The following ZXDB variants were observed in gnomAD, a reference collection of about 807,000 sequenced individuals.
ZXDB encodes the protein zinc finger X-linked protein ZXDB.
For missense variants in ZXDB, 413 were observed against 679.1 expected (o/e 0.61, Z 4.36); for synonymous variants, 273 against 314.3 (o/e 0.87, Z 1.39).
Position 57,594,485 on chromosome X carries a change from T to C in ZXDB, c.*25T>C, listed in dbSNP as rs1401997299. 8.5e-7 allele frequency: 1 copy of C among 1,173,103 alleles called. No homozygotes were observed. The highest frequency in any genetic ancestry group is 1.1e-6 in the Non-Finnish European group (1 of 877,463). ...AACCAACTCTATTCATTCCTCATCA[T>C]GTGGCTTACTTTTATTACAGTCAAT... On this transcript the variant is annotated 3_prime_UTR_variant, in exon 1 of 1. Coordinates refer to ENST00000374888, the MANE Select transcript of ZXDB (RefSeq NM_007157.4).
chrX:57,592,032 G>A lies in ZXDB; in HGVS notation c.-17G>A. 2 of 1,024,612 alleles carry A rather than the reference G, an allele frequency of 2.0e-6. No homozygotes were observed. The highest frequency in any genetic ancestry group is 2.5e-6 in the Non-Finnish European group (2 of 804,701). The allele number at this position is 1,024,612 out of a possible 1,213,427, so 84.4% of individuals were successfully genotyped here. ...CCTCCTCGGCTCTGGTTCCAGCCGA[G>A]CCTCTCGGACGCAGAGATGGAAATC... On this transcript the variant is annotated 5_prime_UTR_variant, in exon 1 of 1. Transcript: ENST00000374888.
rs1013901000 is a variant in ZXDB at position 57,594,774 on chromosome X, TGAG to T, written c.*317_*319del. ...AATACATTTCTTTCCTTGAAAAATATGAGGACGTTTTTCAGTGATGTGGCATGC... is the reference window on the plus strand; with the variant it reads ...AATACATTTCTTTCCTTGAAAAATATGACGTTTTTCAGTGATGTGGCATGC... On this transcript the variant is annotated 3_prime_UTR_variant, in exon 1 of 1. Transcript: ENST00000374888. 2 of 209,435 alleles carry T rather than the reference TGAG, an allele frequency of 9.5e-6. No individual in the cohort carries two copies. The highest frequency in any genetic ancestry group is 3.0e-5 in the African/African-American group (1 of 33,461). The allele number at this position is 209,435 out of a possible 1,213,427, so 17.3% of individuals were successfully genotyped here.
chrX:57,592,998 C>G lies in ZXDB; in HGVS notation c.950C>G (p.Thr317Ser). 3 of 1,211,141 alleles carry G rather than the reference C, an allele frequency of 2.5e-6. No individual in the cohort carries two copies. Among genetic ancestry groups the G allele is most frequent in the Non-Finnish European group, 2.2e-6 (2 of 895,062 alleles). Residue 317 changes from threonine (T) to serine (S), a missense_variant, in exon 1 of 1, where the codon ACC (threonine) becomes AGC (serine). Coordinates refer to ENST00000374888, the MANE Select transcript of ZXDB (RefSeq NM_007157.4). ...GGTGGCTGCGGCTGGACCTTCACCA[C>G]CTCTTACAAGCTCAAGAGGCACCTG... Reference protein sequence around the residue: ...PLGGCGWTFTTSYKLKRHLQS... With the variant: ...PLGGCGWTFTSSYKLKRHLQS...
chrX:57,596,550 G>C lies in ZXDB; in HGVS notation c.*2090G>C, dbSNP rs1363962295. 2 of 123,277 alleles carry C rather than the reference G, an allele frequency of 1.6e-5. No homozygotes were observed. The highest frequency in any genetic ancestry group is 1.9e-4 in the Admixed American group (2 of 10,592). 10.2% of individuals were successfully genotyped at this position (123,277 alleles called of 1,213,427 possible). A position where few individuals can be genotyped will look rare whatever the true frequency, so the allele number is the denominator to read the frequency against. On this transcript the variant is annotated 3_prime_UTR_variant, in exon 1 of 1. Transcript: ENST00000374888. ...ATTTAGCCAACTCCCATTCCAACTA[G>C]GCTTTGGCTAAATCTGACAATTTTA...
Position 57,593,866 on chromosome X carries a change from G to T in ZXDB, c.1818G>T (p.Glu606Asp). The change falls in exon 1 of 1, where the codon GAG (glutamate) becomes GAT (aspartate). Residue 606 changes from glutamate to aspartate, a missense_variant. By Grantham distance (45) the Glu-to-Asp change is conservative. Coordinates refer to ENST00000374888, the MANE Select transcript of ZXDB (RefSeq NM_007157.4). ...GACAGAATGATCTCAGTGATGCAGA[G>T]ATAGTGTCTCTCTTCTCTGATGTAC... The part of the protein sequence containing the change: ...SQRQNDLSDA[E>D]IVSLFSDVPD... 8.3e-7 allele frequency: 1 copy of T among 1,207,671 alleles called. No individual in the cohort carries two copies. The highest frequency in any genetic ancestry group is 1.1e-6 in the Non-Finnish European group (1 of 893,859).
In ZXDB at chrX:57,592,457, G is replaced by T; in HGVS notation, c.409G>T (p.Ala137Ser). ...LQGGESGANPAGPTALGPRCL... is the reference protein window; with the variant it reads ...LQGGESGANPSGPTALGPRCL... ...GGGGGGCGAGAGCGGCGCGAATCCC[G>T]CGGGGCCCACTGCGCTAGGCCCCCG... Residue 137 changes from alanine (A) to serine (S), a missense_variant, in exon 1 of 1, where the codon GCG becomes TCG. Ala to Ser is a moderately conservative substitution (Grantham distance 99). Coordinates refer to ENST00000374888, the MANE Select transcript of ZXDB (RefSeq NM_007157.4). 8.6e-7 allele frequency: 1 copy of T among 1,166,457 alleles called. No homozygotes were observed. Among genetic ancestry groups the T allele is most frequent in the Non-Finnish European group, 1.1e-6 (1 of 876,100 alleles).
At position 57,593,173 on chromosome X, in the gene ZXDB, G is replaced by C. The variant is rs1263040583; in HGVS notation, c.1125G>C (p.Thr375=). The C allele has an allele frequency of 1.7e-6, 2 of 1,210,066 alleles. No homozygotes were observed. The highest frequency in any genetic ancestry group is 2.2e-5 in the Admixed American group (1 of 45,844). ...KCEVCEESFP[T]QAKLSAHQRS... ...AGGTGTGCGAGGAGAGCTTCCCCAC[G>C]CAGGCCAAACTCAGCGCCCACCAGC... The change falls in exon 1 of 1, where the codon ACG becomes ACC. Residue 375 remains threonine (T), a synonymous_variant. Transcript: ENST00000374888.
In ZXDB at chrX:57,593,620, G is replaced by C. The variant is rs1284776895; in HGVS notation, c.1572G>C (p.Arg524Ser). 8.3e-7 allele frequency: 1 copy of C among 1,208,008 alleles called. No homozygotes were observed. The highest frequency in any genetic ancestry group is 1.1e-6 in the Non-Finnish European group (1 of 894,596). ...GTCCTGTGGCAGGCTGCTGTGCCAG[G>C]TTCTCTGCTCGCAGTAGCCTCTACA... ...FVCPVAGCCA[R>S]FSARSSLYIH... Residue 524 changes from arginine (R) to serine (S), a missense_variant, in exon 1 of 1, where the codon AGG (arginine) becomes AGC (serine). Physicochemically the swap from Arg to Ser is moderately radical, Grantham distance 110. Coordinates refer to ENST00000374888, the MANE Select transcript of ZXDB (RefSeq NM_007157.4).
In ZXDB at chrX:57,594,423, A is replaced by C. The variant is rs972225961; in HGVS notation, c.2375A>C (p.Asp792Ala). Residue 792 changes from aspartate (D) to alanine (A), a missense_variant, in exon 1 of 1, where the codon GAT becomes GCT. Transcript: ENST00000374888. ...AACCATGGTTCTCAGAAAGAAACAG[A>C]TCTTATCACTGTGACTGGCAGCTCA... is the stretch of plus-strand genomic sequence containing the variant. ...AGNHGSQKETDLITVTGSSFL... is the reference protein window; with the variant it reads ...AGNHGSQKETALITVTGSSFL... The C allele has an allele frequency of 2.5e-6, 3 of 1,208,469 alleles. No homozygotes were observed. The highest frequency in any genetic ancestry group is 3.4e-6 in the Non-Finnish European group (3 of 894,467).
In ZXDB at chrX:57,594,501, T is replaced by G; in HGVS notation, c.*41T>G. 4 of 1,157,047 alleles carry G rather than the reference T, an allele frequency of 3.5e-6. No homozygotes were observed. Among genetic ancestry groups the G allele is most frequent in the Non-Finnish European group, 4.6e-6 (4 of 868,447 alleles). Reference sequence around the variant, plus strand: ...TCCTCATCATGTGGCTTACTTTTATTACAGTCAATTTTGAGGATATTCTGG... The same window carrying G: ...TCCTCATCATGTGGCTTACTTTTATGACAGTCAATTTTGAGGATATTCTGG... On this transcript the variant is annotated 3_prime_UTR_variant, in exon 1 of 1. Transcript: ENST00000374888.
chrX:57,592,819 C>T lies in ZXDB; in HGVS notation c.771C>T (p.Gly257=). The T allele has an allele frequency of 1.7e-6, 2 of 1,147,576 alleles. No individual in the cohort carries two copies. The highest frequency in any genetic ancestry group is 3.3e-4 in the Middle Eastern group (1 of 2,994). The allele number at this position is 1,147,576 out of a possible 1,213,427, so 94.6% of individuals were successfully genotyped here. A position where few individuals can be genotyped will look rare whatever the true frequency, so the allele number is the denominator to read the frequency against. Reference sequence around the variant, plus strand: ...CGGAGGGCCCGGCCGCCGCCCTGGGCCCCCGCGGACCGCTGGGCTCCGGCC... The same window carrying T: ...CGGAGGGCCCGGCCGCCGCCCTGGGTCCCCGCGGACCGCTGGGCTCCGGCC... The part of the protein sequence containing the change: ...EEAEGPAAAL[G]PRGPLGSGPG... The change falls in exon 1 of 1, where the codon GGC becomes GGT. Residue 257 remains glycine (G), a synonymous_variant. Transcript: ENST00000374888.
In ZXDB at chrX:57,594,392, G is replaced by A. The variant is rs1423889292; in HGVS notation, c.2344G>A (p.Ala782Thr). 2 of 1,211,592 alleles carry A rather than the reference G, an allele frequency of 1.7e-6. No individual in the cohort carries two copies. The highest frequency in any genetic ancestry group is 3.0e-5 in the East Asian group (1 of 33,860). ...GETQFGFPNA[A>T]GNHGSQKETD... ...AACCCAGTTTGGATTCCCCAATGCAGCAGGAAACCATGGTTCTCAGAAAGA... is the reference window on the plus strand; with the variant it reads ...AACCCAGTTTGGATTCCCCAATGCAACAGGAAACCATGGTTCTCAGAAAGA... The change falls in exon 1 of 1, where the codon GCA becomes ACA. Residue 782 changes from alanine (A) to threonine (T), a missense_variant. Ala to Thr is a moderately conservative substitution (Grantham distance 58). Transcript: ENST00000374888.
In ZXDB at chrX:57,595,664, T is replaced by G. The variant is rs1348251465; in HGVS notation, c.*1204T>G. 3 of 123,546 alleles carry G rather than the reference T, an allele frequency of 2.4e-5. No homozygotes were observed. The highest frequency in any genetic ancestry group is 9.7e-5 in the African/African-American group (3 of 30,897). The allele number at this position is 123,546 out of a possible 1,213,427, so 10.2% of individuals were successfully genotyped here. ...CATAGAACTAACAAGAAAAAATAGA[T>G]AGCAAAAAAATGTGTTGGCTGTTCT... On this transcript the variant is annotated 3_prime_UTR_variant, in exon 1 of 1. Transcript: ENST00000374888.
Position 57,592,042 on chromosome X carries a change from C to T in ZXDB, c.-7C>T. 1.9e-6 allele frequency: 2 copies of T among 1,027,651 alleles called. No individual in the cohort carries two copies. The highest frequency in any genetic ancestry group is 2.5e-6 in the Non-Finnish European group (2 of 806,731). The allele number at this position is 1,027,651 out of a possible 1,213,427, so 84.7% of individuals were successfully genotyped here. A position where few individuals can be genotyped will look rare whatever the true frequency, so the allele number is the denominator to read the frequency against. ...TCTGGTTCCAGCCGAGCCTCTCGGACGCAGAGATGGAAATCCCGAAGCTGC... is the reference window on the plus strand; with the variant it reads ...TCTGGTTCCAGCCGAGCCTCTCGGATGCAGAGATGGAAATCCCGAAGCTGC... On this transcript the variant is annotated 5_prime_UTR_variant, in exon 1 of 1. The change creates a new upstream start codon in the 5' untranslated region. Coordinates refer to ENST00000374888, the MANE Select transcript of ZXDB (RefSeq NM_007157.4).
At position 57,593,156 on chromosome X, in the gene ZXDB, G is replaced by C; in HGVS notation, c.1108G>C (p.Glu370Gln). 8.3e-7 allele frequency: 1 copy of C among 1,212,086 alleles called. No individual in the cohort carries two copies. Among genetic ancestry groups the C allele is most frequent in the South Asian group, 1.8e-5 (1 of 57,008 alleles). The part of the protein sequence containing the change: ...QENSFKCEVC[E>Q]ESFPTQAKLS... The stretch of plus-strand genomic sequence containing the variant: ...GAACTCATTCAAATGCGAGGTGTGC[G>C]AGGAGAGCTTCCCCACGCAGGCCAA... Residue 370 changes from glutamate (E) to glutamine (Q), a missense_variant, in exon 1 of 1, where the codon GAG (glutamate) becomes CAG (glutamine). Transcript: ENST00000374888.
rs189164178 is a variant in ZXDB at position 57,592,437 on chromosome X, G to A, written c.389G>A (p.Gly130Asp). The change falls in exon 1 of 1, where the codon GGC becomes GAC. Residue 130 changes from glycine (G) to aspartate (D), a missense_variant. Physicochemically the swap from Gly to Asp is moderately conservative, Grantham distance 94. Transcript: ENST00000374888. The stretch of plus-strand genomic sequence containing the variant: ...GAGGAGGGCCCGGGGCTCCAGGGGG[G>A]CGAGAGCGGCGCGAATCCCGCGGGG... ...EAEEGPGLQGGESGANPAGPT... is the reference protein window; with the variant it reads ...EAEEGPGLQGDESGANPAGPT... 0.099 allele frequency: 90,533 copies of A among 912,093 alleles called. 428 individuals are homozygous for A. The highest frequency in any genetic ancestry group is 0.3 in the Admixed American group (9,606 of 32,551). The allele number at this position is 912,093 out of a possible 1,213,427, so 75.2% of individuals were successfully genotyped here.
At position 57,595,758 on chromosome X, in the gene ZXDB, T is replaced by C. The variant is rs751969347; in HGVS notation, c.*1298T>C. The C allele has an allele frequency of 4.0e-5, 5 of 123,601 alleles. No individual in the cohort carries two copies. The highest frequency in any genetic ancestry group is 9.4e-5 in the Admixed American group (1 of 10,600). The allele number at this position is 123,601 out of a possible 1,213,427, so 10.2% of individuals were successfully genotyped here. A position where few individuals can be genotyped will look rare whatever the true frequency, so the allele number is the denominator to read the frequency against. ...TTGTGGAAATTGCCAGCCAGGACTT[T>C]GACATGAAACAGACCCAGGGCTAAA... On this transcript the variant is annotated 3_prime_UTR_variant, in exon 1 of 1. Transcript: ENST00000374888.
chrX:57,592,199 C>G lies in ZXDB; in HGVS notation c.151C>G (p.Gln51Glu), dbSNP rs773347001. Reference sequence around the variant, plus strand: ...CCGCCTCCTGCTGCTCCGGGGCCCCCAAGATGGCGGGCCCGGGCGGCGGCG... The same window carrying G: ...CCGCCTCCTGCTGCTCCGGGGCCCCGAAGATGGCGGGCCCGGGCGGCGGCG... ...TRRLLLLRGPQDGGPGRRREE... is the reference protein window; with the variant it reads ...TRRLLLLRGPEDGGPGRRREE... The change falls in exon 1 of 1, where the codon CAA (glutamine) becomes GAA (glutamate). Residue 51 changes from glutamine (Q) to glutamate (E), a missense_variant. Coordinates refer to ENST00000374888, the MANE Select transcript of ZXDB (RefSeq NM_007157.4). 134 of 1,064,395 alleles carry G rather than the reference C, an allele frequency of 1.3e-4. No individual in the cohort carries two copies. Among genetic ancestry groups the G allele is most frequent in the Non-Finnish European group, 1.6e-4 (131 of 831,075 alleles). The allele number at this position is 1,064,395 out of a possible 1,213,427, so 87.7% of individuals were successfully genotyped here. A position where few individuals can be genotyped will look rare whatever the true frequency, so the allele number is the denominator to read the frequency against.
At position 57,592,862 on chromosome X, in the gene ZXDB, T is replaced by G; in HGVS notation, c.814T>G (p.Leu272Val). ...CTCCGGCCCAGGCGTGGTGCTGTAC[T>G]TGTGCCCCGAGGCGCAGTGCGGGCA... Reference protein sequence around the residue: ...LGSGPGVVLYLCPEAQCGQTF... With the variant: ...LGSGPGVVLYVCPEAQCGQTF... Residue 272 changes from leucine (L) to valine (V), a missense_variant, in exon 1 of 1, where the codon TTG becomes GTG. Coordinates refer to ENST00000374888, the MANE Select transcript of ZXDB (RefSeq NM_007157.4). 1.7e-6 allele frequency: 2 copies of G among 1,178,415 alleles called. No individual in the cohort carries two copies. Among genetic ancestry groups the G allele is most frequent in the Non-Finnish European group, 2.3e-6 (2 of 879,510 alleles).
Sources: allele counts gnomAD v4.1 joint callset, GRCh38; gene constraint gnomAD v4.1.1; transcripts MANE v1.5; gene names NCBI Gene and HGNC (gene_info 2026-07-23, HGNC 2026-07-21).